ITPR2: variants seen among roughly 807,000 people sequenced by gnomAD.
ITPR2 encodes inositol 1,4,5-trisphosphate-gated calcium channel ITPR2.
Under a neutral mutation model 317.1 loss-of-function variants are expected in ITPR2, and 207 were observed. That is an observed-to-expected ratio of 0.65 (90% CI 0.58 to 0.73). The LOEUF is 0.73. Ranked by LOEUF, ITPR2 falls within the 30% of genes least tolerant of loss-of-function variation. ITPR2 has a pLI of 0.00. For synonymous variants in ITPR2, 1,156 were observed against 1,149.1 expected, an observed-to-expected ratio of 1.01 and a Z score of -0.12; for missense variants, 2,613 against 3,284.0, an observed-to-expected ratio of 0.80 and a Z score of 4.99.
intron 26 of ITPR2, among the ~76,000 whole-genome samples, chr12:26,617,069 T>C (rs746116277): frequency 1.3e-5 from 2 of 152,200 alleles, no homozygotes; most frequent in Non-Finnish European, 2.9e-5. Context: ...TATTAGTACT[T>C]AAGTTTTGAG....
At chr12:26,812,304 G>A (rs1310267554) in intron 1 of ITPR2, among the ~76,000 whole-genome samples, 4 of 152,106 alleles carry the variant, frequency 2.6e-5, no homozygotes, top group Non-Finnish European at 5.9e-5. Context: ...ACGGCCGGAT[G>A]CGGTGGCTCA....
intron 2 of ITPR2, among the ~76,000 whole-genome samples, chr12:26,784,986 T>C (rs540507274): frequency 3.9e-4 from 2 of 5,168 alleles, no homozygotes; most frequent in African/African-American, 8.9e-4. Flanking sequence ...GCGCCTCTGC[T>C]GGGCCGCAAC....
In ITPR2 at chr12:26,340,005, C is replaced by T. The variant is rs767887088; in HGVS notation, c.8019+162G>A. ...GGGAGATGGGATAAGTAGAAGTCCC[C>T]GTTTGCTGGGATGTGGTTCTACAGT... On this transcript the variant is annotated intron_variant, in intron 56 of 56. Coordinates refer to ENST00000381340, the MANE Select transcript of ITPR2 (RefSeq NM_002223.4). Among the ~76,000 whole-genome samples, 9 of 152,072 alleles carry T rather than the reference C, an allele frequency of 5.9e-5. No homozygotes were observed. In the South Asian group the frequency reaches 6.3e-4, roughly 11 times the overall value.
intron 45 of ITPR2, among the ~76,000 whole-genome samples, chr12:26,462,432 T>C (rs1428014972): frequency 6.6e-6 from 1 of 152,192 alleles, no homozygotes; most frequent in Non-Finnish European, 1.5e-5. Context: ...CAGGCTGGTC[T>C]GGAACTCCTG....
At chr12:26,676,466 G>C (rs1947909480) in intron 13 of ITPR2, among the ~76,000 whole-genome samples, 1 of 144,178 alleles carries the variant, frequency 6.9e-6, no homozygotes, top group Non-Finnish European at 1.5e-5. Context: ...GACAGAGTGA[G>C]ACTCTGTCTC....
intron 34 of ITPR2, among the ~76,000 whole-genome samples, chr12:26,566,265 GAGA>G (rs1399331925): frequency 3.0e-5 from 4 of 135,442 alleles, no homozygotes; most frequent in East Asian, 2.4e-4. Flanking sequence ...AGAGGGAGAG[GAGA>G]AGGAGAGGAG....
chr12:26,726,413 C>T (rs1005601655), intron 2 of ITPR2, among the ~76,000 whole-genome samples: 4 of 152,074 alleles, frequency 2.6e-5, no homozygotes, highest in Admixed American at 2.6e-4. Context: ...GCAAAATATA[C>T]GTTTTATTTT....
At chr12:26,631,243 T>G (rs1946745404) in intron 22 of ITPR2, among the ~76,000 whole-genome samples, 1 of 152,226 alleles carries the variant, frequency 6.6e-6, no homozygotes, top group African/African-American at 2.4e-5. Flanking sequence ...ATGGGAAGTC[T>G]ATTCACTAAA....
At chr12:26,703,014 C>G (rs1468814699) in intron 9 of ITPR2, among the ~76,000 whole-genome samples, 1 of 152,214 alleles carries the variant, frequency 6.6e-6, no homozygotes, top group African/African-American at 2.4e-5. Context: ...ATAGTGCCCC[C>G]TTCACTTCCA....
intron 2 of ITPR2, among the ~76,000 whole-genome samples, chr12:26,785,345 GT>G (rs1950209947): frequency 7.0e-5 from 3 of 43,164 alleles, no homozygotes; most frequent in African/African-American, 1.0e-4. Flanking sequence ...CGTCCGGGAG[GT>G]GAGGGGCGCC....
At chr12:26,417,500 G>A (rs1346375994) in intron 50 of ITPR2, among the ~76,000 whole-genome samples, 1 of 152,040 alleles carries the variant, frequency 6.6e-6, no homozygotes, top group Non-Finnish European at 1.5e-5. Context: ...TTCTTGAGAC[G>A]GTGAGGGAGT....
chr12:26,438,038 T>A (rs1376061336), intron 47 of ITPR2, among the ~76,000 whole-genome samples: 1 of 152,146 alleles, frequency 6.6e-6, no homozygotes, highest in East Asian at 1.9e-4. Context: ...CCTGACCTCA[T>A]GATCTGCCTG....
intron 37 of ITPR2, among the ~76,000 whole-genome samples, chr12:26,534,364 G>A (rs1051095957): frequency 3.3e-5 from 5 of 152,156 alleles, no homozygotes; most frequent in African/African-American, 1.2e-4. Context: ...GATCTCAGAG[G>A]AAATGGTTTG....
Position 26,418,646 on chromosome 12 carries a change from C to T in ITPR2, c.7110+403G>A, listed in dbSNP as rs769321091. Among the ~76,000 whole-genome samples the T allele has an allele frequency of 4.2e-4, 64 of 151,862 alleles. 1 individual carries two copies. The highest frequency in any genetic ancestry group is 1.9e-4 in the Non-Finnish European group (13 of 67,984). ...TTACTTATATGCTATTCTAAAGGTACACATAATTTTTGATATTATAAATAA... is the reference window on the plus strand; with the variant it reads ...TTACTTATATGCTATTCTAAAGGTATACATAATTTTTGATATTATAAATAA... On this transcript the variant is annotated intron_variant, in intron 50 of 56. Coordinates refer to ENST00000381340, the MANE Select transcript of ITPR2 (RefSeq NM_002223.4).
intron 29 of ITPR2, among the ~76,000 whole-genome samples, chr12:26,599,661 G>C (rs1001042594): frequency 1.9e-4 from 29 of 152,014 alleles, no homozygotes; most frequent in African/African-American, 7.0e-4. Context: ...TTACAGACAA[G>C]GGCAAACTCC....
chr12:26,479,691 G>A (rs931369234), intron 43 of ITPR2, among the ~76,000 whole-genome samples: 3 of 152,096 alleles, frequency 2.0e-5, no homozygotes, highest in African/African-American at 4.8e-5. Flanking sequence ...TGTAAGAATC[G>A]TCTTTGCTAA....
At chr12:26,553,189 C>A (rs920970648) in intron 36 of ITPR2, among the ~76,000 whole-genome samples, 1 of 152,316 alleles carries the variant, frequency 6.6e-6, no homozygotes, top group Non-Finnish European at 1.5e-5. Flanking sequence ...ATGGATCACA[C>A]CCCACGGTTT....
chr12:26,678,647 G>A (rs979502537), intron 13 of ITPR2, among the ~76,000 whole-genome samples: 2 of 152,150 alleles, frequency 1.3e-5, no homozygotes, highest in Admixed American at 6.5e-5. Context: ...TGGCTTTTCT[G>A]AAATTACTAA....
At chr12:26,401,816 A>G (rs1184365268) in intron 52 of ITPR2, among the ~76,000 whole-genome samples, 2 of 152,206 alleles carry the variant, frequency 1.3e-5, no homozygotes, top group African/African-American at 4.8e-5. Flanking sequence ...CATTCTATGG[A>G]TAAGGGATCC....
Sources: allele counts gnomAD v4.1 joint callset (sites outside exome capture counted in the v4.1 genomes callset), GRCh38; gene constraint gnomAD v4.1.1; transcripts MANE v1.5; gene names NCBI Gene and HGNC (gene_info 2026-07-23, HGNC 2026-07-21).